DMD: variants seen among roughly 807,000 people sequenced by gnomAD.
DMD encodes the protein dystrophin.
DMD carries 63 observed loss-of-function variants against 330.1 expected under a neutral mutation model. The observed-to-expected ratio is 0.19, with a 90% CI of 0.16 to 0.24. The LOEUF is 0.24. Among genes scored for constraint, DMD ranks in the 10% least tolerant of loss-of-function variants. DMD has a pLI of 1.00. For synonymous variants in DMD, 1,223 were observed against 959.8 expected (o/e 1.27, Z -5.07); for missense variants, 3,344 against 2,684.1 (o/e 1.25, Z -5.43).
At chrX:32,161,964 A>G (rs1366251215) in intron 44 of DMD, among the ~76,000 whole-genome samples, 4 of 111,902 alleles carry the variant, frequency 3.6e-5, no homozygotes, top group Non-Finnish European at 7.5e-5. Flanking sequence ...CTAGCAAGGC[A>G]GGATTGAAAC....
At chrX:32,323,857 G>A (rs1404225556) in intron 41 of DMD, among the ~76,000 whole-genome samples, 3 of 111,611 alleles carry the variant, frequency 2.7e-5, no homozygotes, top group African/African-American at 9.8e-5. Flanking sequence ...AGTTATAAGA[G>A]TTATTGTAAA....
At chrX:31,551,181 G>GGAAAAAAAAA (rs2074463677) in intron 55 of DMD, among the ~76,000 whole-genome samples, 3 of 75,324 alleles carry the variant, frequency 4.0e-5, no homozygotes, top group African/African-American at 1.7e-4. Context: ...TCCATCTCGG[G>GGAAAAAAAAA]AAAAAAAAAA....
chrX:31,789,356 G>A (rs1016260805), intron 50 of DMD, among the ~76,000 whole-genome samples: 1 of 111,043 alleles, frequency 9.0e-6, no homozygotes, highest in Non-Finnish European at 1.9e-5. Context: ...AACTCTACAC[G>A]CTTACTTCCC....
At chrX:32,335,916 T>C (rs181369402) in intron 41 of DMD, among the ~76,000 whole-genome samples, 2,229 of 106,148 alleles carry the variant, frequency 0.021, 74 homozygotes, top group African/African-American at 0.073. Flanking sequence ...AACGTGTATA[T>C]ATGTATGTTA....
intron 43 of DMD, among the ~76,000 whole-genome samples, chrX:32,271,007 A>G (rs897745729): frequency 2.7e-5 from 3 of 111,367 alleles, no homozygotes; most frequent in African/African-American, 9.8e-5. Context: ...TAAAAATAAA[A>G]GTTAGCATCT....
chrX:33,333,960 A>G (rs1165437268), intron 1 of DMD, among the ~76,000 whole-genome samples: 1 of 111,156 alleles, frequency 9.0e-6, no homozygotes, highest in African/African-American at 3.3e-5. Flanking sequence ...AAACCCACGA[A>G]GAGAGAAGAG....
intron 55 of DMD, chrX:31,508,402 C>G (rs1185685112): frequency 2.1e-6 from 1 of 481,100 alleles, no homozygotes; most frequent in Non-Finnish European, 3.4e-6. Context: ...AATAAACGGC[C>G]ACTTTGTACT....
At chrX:32,750,937 C>A (rs1359863073) in intron 7 of DMD, among the ~76,000 whole-genome samples, 1 of 111,677 alleles carries the variant, frequency 9.0e-6, no homozygotes, top group Admixed American at 9.5e-5. Flanking sequence ...TTTCCCCACA[C>A]AAGCTCTCTG....
intron 1 of DMD, among the ~76,000 whole-genome samples, chrX:33,260,479 G>A (rs1321871433): frequency 9.0e-6 from 1 of 110,580 alleles, no homozygotes; most frequent in Non-Finnish European, 1.9e-5. Flanking sequence ...CATCATCAGA[G>A]AATTAAAATT....
intron 2 of DMD, among the ~76,000 whole-genome samples, chrX:33,011,963 T>C (rs1602695374): frequency 9.0e-6 from 1 of 111,527 alleles, no homozygotes; most frequent in East Asian, 2.8e-4. Flanking sequence ...AGAATATAGG[T>C]GTAATCAATA....
chrX:32,474,200 T>TACAC (rs770330585), intron 21 of DMD, among the ~76,000 whole-genome samples: 2,975 of 104,868 alleles, frequency 0.028, 127 homozygotes, highest in African/African-American at 0.1. Context: ...CATATATACA[T>TACAC]ACATACATAC....
rs181962210 is a variant in DMD, at chrX:32,529,096, T to C, written c.2169-10965A>G. Among the ~76,000 whole-genome samples, 400 of 105,641 alleles carry C rather than the reference T, an allele frequency of 3.8e-3. 3 individuals are homozygous for C. The highest frequency in any genetic ancestry group is 0.013 in the African/African-American group (383 of 28,929). 91.7% of individuals were successfully genotyped at this position (105,641 alleles called of 115,157 possible). ...GCCGCCACGTCTGGCTAATTTTTTT[T>C]CCCTATTTTTCATAGAGACGGGGTT... On this transcript the variant is annotated intron_variant, in intron 17 of 78. Coordinates refer to ENST00000357033, the MANE Select transcript of DMD (RefSeq NM_004006.3).
chrX:32,811,783 C>A (rs1266689255), intron 6 of DMD, among the ~76,000 whole-genome samples: 1 of 111,947 alleles, frequency 8.9e-6, no homozygotes, highest in Non-Finnish European at 1.9e-5. Context: ...TTTGTAAAAT[C>A]TGAAGCGGTC....
chrX:31,995,556 T>TTGCTTTATC (rs1321175477), intron 44 of DMD, among the ~76,000 whole-genome samples: 1 of 111,635 alleles, frequency 9.0e-6, no homozygotes, highest in East Asian at 2.8e-4. Context: ...TAATCAGAAA[T>TTGCTTTATC]TGCTTTATCT....
chrX:32,601,949 A>G, intron 12 of DMD, among the ~76,000 whole-genome samples: 1 of 111,934 alleles, frequency 8.9e-6, no homozygotes, highest in South Asian at 3.6e-4. Flanking sequence ...AACTGCAATG[A>G]CCTAACCTAA....
At chrX:32,844,417 A>T (rs775754579) in intron 4 of DMD, among the ~76,000 whole-genome samples, 7 of 59,241 alleles carry the variant, frequency 1.2e-4, no homozygotes, top group Non-Finnish European at 2.0e-4. Context: ...AAAAAAAAAA[A>T]AAAAGAAAAG....
At chrX:31,261,166 G>T (rs1335013891) in intron 62 of DMD, 150 bp from the exon 63 acceptor site, 1 of 483,875 alleles carries the variant, frequency 2.1e-6, no homozygotes, top group Admixed American at 3.2e-5. Flanking sequence ...GTGTATTGAA[G>T]AAATGTTTAT....
At chrX:32,049,630 T>G (rs2096091804) in intron 44 of DMD, among the ~76,000 whole-genome samples, 1 of 111,661 alleles carries the variant, frequency 9.0e-6, no homozygotes, top group African/African-American at 3.3e-5. Flanking sequence ...ATCCAAGATG[T>G]AGACGTAGAA....
intron 1 of DMD, among the ~76,000 whole-genome samples, chrX:33,160,639 A>T (rs766573136): frequency 8.9e-6 from 1 of 112,565 alleles, no homozygotes; most frequent in African/African-American, 3.2e-5. Flanking sequence ...TCCTTCAGTG[A>T]TCTTAGATTG....
Sources: gnomAD v4.1 joint callset for allele counts (sites outside exome capture counted in the v4.1 genomes callset) on GRCh38, gnomAD v4.1.1 for gene constraint, MANE v1.5 for transcripts, NCBI Gene and HGNC (gene_info 2026-07-23, HGNC 2026-07-21) for gene names.